Variants in FBN1 observed in about 807,000 individuals in gnomAD.
FBN1 encodes the protein fibrillin-1.
A neutral mutation model predicts 365.1 loss-of-function variants in FBN1; 29 were observed. The ratio of observed to expected loss-of-function variants is 0.08; its 90% CI spans 0.06 to 0.11. The LOEUF (loss-of-function observed/expected upper bound fraction) is 0.11. Among genes scored for constraint, FBN1 ranks in the 10% least tolerant of loss-of-function variants. The probability of loss-of-function intolerance (pLI) is 1.00; values close to 1 mark genes in which losing one functional copy is unlikely to be tolerated. For missense variants in FBN1, 2,476 were observed against 3,703.2 expected (o/e 0.67, Z 8.60); for synonymous variants, 1,210 against 1,270.5 (o/e 0.95, Z 1.01).
At chr15:48,463,263 G>T in intron 41 of FBN1, 23 bp from the exon 42 acceptor site, 1 of 1,612,598 alleles carries the variant, frequency 6.2e-7, no homozygotes, top group East Asian at 2.2e-5. Flanking sequence ...TAAAAAAAAG[G>T]ATTGGAGGGT....
chr15:48,593,394 T>A (rs776519536), intron 6 of FBN1, among the ~76,000 whole-genome samples: 1 of 152,206 alleles, frequency 6.6e-6, no homozygotes, highest in Non-Finnish European at 1.5e-5. Flanking sequence ...GCTTTTGTTT[T>A]TATTGCCACT....
chr15:48,490,682 T>C (rs2043550813), intron 24 of FBN1, among the ~76,000 whole-genome samples: 1 of 152,236 alleles, frequency 6.6e-6, no homozygotes, highest in Non-Finnish European at 1.5e-5. Flanking sequence ...ACTTGTGGGA[T>C]ACCTCTAGCC....
chr15:48,624,754 C>T (rs951668263), intron 2 of FBN1, among the ~76,000 whole-genome samples: 1 of 152,224 alleles, frequency 6.6e-6, no homozygotes, highest in African/African-American at 2.4e-5. Context: ...TGAAGCCACA[C>T]TGTACTTTTC....
rs111801777 is a variant in FBN1 at position 48,489,875 on chromosome 15, T to C, written c.3058A>G (p.Thr1020Ala). The change falls in exon 25 of 66, where the codon ACA becomes GCA. Residue 1020 changes from threonine (T) to alanine (A), a missense_variant. This residue lies in a region of FBN1 where 1,780 missense variants were observed against 2,840.8 expected (regional missense o/e 0.63). Transcript: ENST00000316623. ...CCTTTGAAGAAAGGCTTTCCATTTG[T>C]AATTTCTTTTGTGGCAAATCCGGGT... ...RGPGFATKEI[T>A]NGKPFFKDIN... 533 of 1,614,178 alleles carry C rather than the reference T, an allele frequency of 3.3e-4. 1 individual carries two copies. The Middle Eastern group carries it at 4.9e-3, about 15-fold the overall frequency.
At chr15:48,509,906 T>G in intron 14 of FBN1, 138 bp downstream of exon 14, 1 of 900,328 alleles carries the variant, frequency 1.1e-6, no homozygotes, top group East Asian at 2.8e-5. Flanking sequence ...TCATGGAAAA[T>G]TAGGCTTCCT....
At chr15:48,444,415 C>G in intron 49 of FBN1, 126 bp downstream of exon 49, 1 of 1,073,622 alleles carries the variant, frequency 9.3e-7, no homozygotes, top group South Asian at 1.3e-5. Flanking sequence ...CATGTCATAC[C>G]TATGCCCTTG....
chr15:48,574,924 A>G (rs1290391316), intron 6 of FBN1, among the ~76,000 whole-genome samples: 1 of 152,264 alleles, frequency 6.6e-6, no homozygotes, highest in Non-Finnish European at 1.5e-5. Flanking sequence ...ACATATAAAG[A>G]TATTAATACT....
chr15:48,496,523 T>C (rs1263875973), intron 19 of FBN1, among the ~76,000 whole-genome samples: 2 of 152,156 alleles, frequency 1.3e-5, no homozygotes, highest in Non-Finnish European at 2.9e-5. Context: ...ATCATTAATC[T>C]TTATAGAGTT....
chr15:48,542,833 T>TA (rs1566923409), intron 6 of FBN1, among the ~76,000 whole-genome samples: 111 of 108,026 alleles, frequency 1.0e-3, no homozygotes, highest in African/African-American at 4.8e-3. Context: ...GTGTGTGTAT[T>TA]TTTTTTCCTT....
intron 56 of FBN1, among the ~76,000 whole-genome samples, chr15:48,429,603 C>T (rs1432304819): frequency 1.3e-5 from 2 of 152,152 alleles, no homozygotes; most frequent in African/African-American, 4.8e-5. Context: ...GCCCCAGCCA[C>T]CCCCAGAACA....
chr15:48,523,480 T>C (rs190939945), intron 9 of FBN1, among the ~76,000 whole-genome samples: 18 of 152,382 alleles, frequency 1.2e-4, no homozygotes, highest in Admixed American at 1.0e-3. Context: ...GATTTACAGA[T>C]GGCACCTGCA....
chr15:48,557,733 G>T (rs1433881050), intron 6 of FBN1, among the ~76,000 whole-genome samples: 3 of 152,154 alleles, frequency 2.0e-5, no homozygotes, highest in Non-Finnish European at 4.4e-5. Flanking sequence ...TTCCTCTAGG[G>T]CATCTTTTCC....
intron 6 of FBN1, among the ~76,000 whole-genome samples, chr15:48,542,266 C>T (rs1020108278): frequency 6.6e-6 from 1 of 152,218 alleles, no homozygotes. Context: ...TCTCGTCCCT[C>T]CTGCCCAGTC....
intron 44 of FBN1, 101 bp downstream of exon 44, chr15:48,456,536 G>T: frequency 2.6e-6 from 3 of 1,147,772 alleles, no homozygotes; most frequent in Non-Finnish European, 3.9e-6. Flanking sequence ...AGAGCTTAAT[G>T]CATTTCTGAA....
chr15:48,500,166 C>CT (rs534887006), intron 17 of FBN1, among the ~76,000 whole-genome samples: 63 of 152,256 alleles, frequency 4.1e-4, no homozygotes, highest in African/African-American at 1.5e-3. Flanking sequence ...AGAAATTCAT[C>CT]TTTTTTATTC....
chr15:48,449,616 T>TTATA (rs3837726), intron 45 of FBN1, among the ~76,000 whole-genome samples: 3,327 of 152,342 alleles, frequency 0.022, 71 homozygotes, highest in East Asian at 0.083. Flanking sequence ...GGGCAGAATT[T>TTATA]AATGCATGAA....
chr15:48,591,377 C>T (rs1326195561), intron 6 of FBN1, among the ~76,000 whole-genome samples: 1 of 152,010 alleles, frequency 6.6e-6, no homozygotes, highest in Admixed American at 6.6e-5. Context: ...GTTCCAAACA[C>T]ATTTTGAGCT....
chr15:48,533,859 A>T (rs1447123744), intron 8 of FBN1, among the ~76,000 whole-genome samples: 1 of 152,162 alleles, frequency 6.6e-6, no homozygotes, highest in African/African-American at 2.4e-5. Context: ...ATTCAGATGG[A>T]CCTCTTGTTT....
At chr15:48,567,209 G>A (rs1054153331) in intron 6 of FBN1, among the ~76,000 whole-genome samples, 2 of 152,150 alleles carry the variant, frequency 1.3e-5, no homozygotes, top group East Asian at 1.9e-4. Context: ...CTTTAGGAAC[G>A]TTTTTATCAA....
Sources: allele counts gnomAD v4.1 joint callset (sites outside exome capture counted in the v4.1 genomes callset), GRCh38; gene constraint gnomAD v4.1.1; regional missense constraint gnomAD v4.1.1; transcripts MANE v1.5; gene names NCBI Gene and HGNC (gene_info 2026-07-23, HGNC 2026-07-21).